Variants in PRSS12 observed in about 807,000 individuals in gnomAD.
PRSS12 encodes neurotrypsin.
Under a neutral mutation model 104.4 loss-of-function variants are expected in PRSS12, and 85 were observed. That is an observed-to-expected ratio of 0.81 (90% CI 0.68 to 0.98). The LOEUF is 0.98. Ranked by LOEUF, PRSS12 falls within the 50% of genes least tolerant of loss-of-function variation. The pLI is 0.00. For synonymous variants in PRSS12, 454 were observed against 425.2 expected, an observed-to-expected ratio of 1.07 and a Z score of -0.83; for missense variants, 1,141 against 1,139.2, an observed-to-expected ratio of 1.00 and a Z score of -0.02.
rs1464537069 is a variant in PRSS12 at position 118,331,805 on chromosome 4, C to T, written c.882G>A (p.Glu294=). 6.8e-6 allele frequency: 11 copies of T among 1,614,176 alleles called. No individual in the cohort carries two copies. The highest frequency in any genetic ancestry group is 9.3e-6 in the Non-Finnish European group (11 of 1,180,032). ...TTCCCCACTGGCCAGCATGGTAGAG[C>T]TCCACCCGGCCTTCATGCACACTGC... ...GGSSVHEGRV[E]LYHAGQWGTV... is the part of the protein sequence containing the mutation. Residue 294 remains glutamate, a synonymous_variant, in exon 4 of 13, where the codon GAG becomes GAA. Coordinates refer to ENST00000296498, the MANE Select transcript of PRSS12 (RefSeq NM_003619.4).
intron 5 of PRSS12, among the ~76,000 whole-genome samples, chr4:118,317,524 G>A (rs934242545): frequency 6.6e-6 from 1 of 152,132 alleles, no homozygotes; most frequent in East Asian, 1.9e-4. Flanking sequence ...TCACAGCAAT[G>A]TTACAAGACT....
At chr4:118,294,101 A>G (rs944496404) in intron 11 of PRSS12, among the ~76,000 whole-genome samples, 13 of 152,256 alleles carry the variant, frequency 8.5e-5, no homozygotes, top group Admixed American at 2.6e-4. Flanking sequence ...ATGATATCAC[A>G]TAAGAAAAAA....
At chr4:118,346,793 T>C (rs933714118) in intron 1 of PRSS12, among the ~76,000 whole-genome samples, 4 of 152,156 alleles carry the variant, frequency 2.6e-5, no homozygotes, top group Non-Finnish European at 5.9e-5. Flanking sequence ...CGAACTCCAT[T>C]GCGAACTGTG....
chr4:118,316,728 G>A (rs1381106686), intron 5 of PRSS12, among the ~76,000 whole-genome samples: 3 of 151,142 alleles, frequency 2.0e-5, no homozygotes, highest in East Asian at 2.0e-4. Context: ...AGGCTGAGGC[G>A]GGAAAATCGC....
intron 4 of PRSS12, among the ~76,000 whole-genome samples, chr4:118,319,735 C>T (rs911464291): frequency 6.6e-6 from 1 of 152,106 alleles, no homozygotes; most frequent in Non-Finnish European, 1.5e-5. Context: ...TGGAGTGCAG[C>T]AGCGTGATCA....
At position 118,308,441 on chromosome 4, in the gene PRSS12, G is replaced by C; in HGVS notation, c.1626C>G (p.Gly542=). ...AATAATTAGGTTTTCCTTACTTGTA[G>C]CCAAGCTGACGACAGATCACAGCTG... ...KDAAVICRQL[G]YKGPARARTM... Residue 542 remains glycine (G), a synonymous_variant, in exon 8 of 13, where the codon GGC becomes GGG. Transcript: ENST00000296498. 1.9e-6 allele frequency: 3 copies of C among 1,613,994 alleles called. No homozygotes were observed. The highest frequency in any genetic ancestry group is 3.3e-4 in the Middle Eastern group (2 of 6,060).
intron 11 of PRSS12, among the ~76,000 whole-genome samples, chr4:118,292,672 AAC>A (rs1263724678): frequency 1.3e-5 from 2 of 152,208 alleles, no homozygotes; most frequent in Non-Finnish European, 2.9e-5. Flanking sequence ...CCACTCAGGT[AAC>A]ACAGGAATGT....
At chr4:118,305,350 A>G (rs1486830937) in intron 8 of PRSS12, among the ~76,000 whole-genome samples, 4 of 151,998 alleles carry the variant, frequency 2.6e-5, no homozygotes, top group Admixed American at 1.3e-4. Context: ...TTAAAATGCA[A>G]TTATAAAGTC....
At chr4:118,306,622 G>A (rs1287062856) in intron 8 of PRSS12, among the ~76,000 whole-genome samples, 1 of 152,098 alleles carries the variant, frequency 6.6e-6, no homozygotes, top group Non-Finnish European at 1.5e-5. Flanking sequence ...GATGGCCTAA[G>A]CCATTCATGA....
At chr4:118,325,550 T>C (rs1409302446) in intron 4 of PRSS12, among the ~76,000 whole-genome samples, 1 of 152,128 alleles carries the variant, frequency 6.6e-6, no homozygotes, top group African/African-American at 2.4e-5. Flanking sequence ...AGTATTTACA[T>C]ATTCACACAT....
intron 8 of PRSS12, among the ~76,000 whole-genome samples, chr4:118,302,673 C>T (rs545285279): frequency 3.9e-5 from 6 of 152,244 alleles, no homozygotes; most frequent in East Asian, 3.9e-4. Flanking sequence ...GAGATCTGCC[C>T]GCCGCGGCCT....
chr4:118,298,790 C>T lies in PRSS12; in HGVS notation c.1780G>A (p.Asp594Asn). 6.2e-7 allele frequency: 1 copy of T among 1,614,194 alleles called. No individual in the cohort carries two copies. The highest frequency in any genetic ancestry group is 1.1e-5 in the South Asian group (1 of 91,084). The change falls in exon 9 of 13, where the codon GAT becomes AAT. Residue 594 changes from aspartate to asparagine, a missense_variant. Coordinates refer to ENST00000296498, the MANE Select transcript of PRSS12 (RefSeq NM_003619.4). ...AAATAATCACAAATAACTCCTGCAT[C>T]TTCACTGTGGCGGCAGTTGTGTCTT... The part of the protein sequence containing the change: ...IGRHNCRHSE[D>N]AGVICDYFGK...
In PRSS12 at chr4:118,331,813, G is replaced by C. The variant is rs746877243; in HGVS notation, c.874C>G (p.Arg292Gly). The change falls in exon 4 of 13, where the codon CGG (arginine) becomes GGG (glycine). Residue 292 changes from arginine (R) to glycine (G), a missense_variant. By Grantham distance (125) the Arg-to-Gly change is moderately radical (BLOSUM62 -2). Coordinates refer to ENST00000296498, the MANE Select transcript of PRSS12 (RefSeq NM_003619.4). ...LAGGSSVHEGRVELYHAGQWG... is the reference protein window; with the variant it reads ...LAGGSSVHEGGVELYHAGQWG... Reference sequence around the variant, plus strand: ...TGGCCAGCATGGTAGAGCTCCACCCGGCCTTCATGCACACTGCTGCCTCCA... The same window carrying C: ...TGGCCAGCATGGTAGAGCTCCACCCCGCCTTCATGCACACTGCTGCCTCCA... 1.9e-6 allele frequency: 3 copies of C among 1,614,122 alleles called. No individual in the cohort carries two copies. Among genetic ancestry groups the C allele is most frequent in the Non-Finnish European group, 1.7e-6 (2 of 1,180,008 alleles).
intron 11 of PRSS12, among the ~76,000 whole-genome samples, chr4:118,286,800 G>A (rs1021037126): frequency 1.3e-5 from 2 of 152,074 alleles, no homozygotes; most frequent in South Asian, 2.1e-4. Context: ...AAATCCATGG[G>A]GTTCAGATCC....
chr4:118,324,093 T>G lies in PRSS12; in HGVS notation c.972-5537A>C, dbSNP rs555857904. On this transcript the variant is annotated intron_variant, in intron 4 of 12. Coordinates refer to ENST00000296498, the MANE Select transcript of PRSS12 (RefSeq NM_003619.4). ...TTTTAAAATTTTTGCAAAGATAGGG[T>G]TTCTCCATGTTGCCCAGTCTGGTCT... 1.3e-4 allele frequency among the ~76,000 whole-genome samples: 20 copies of G among 151,880 alleles called. No individual in the cohort carries two copies. In the South Asian group the frequency reaches 4.0e-3, roughly 30 times the overall value.
rs1443641394 is a variant in PRSS12, at chr4:118,352,580, A to C, written c.141T>G (p.Leu47=). The C allele has an allele frequency of 6.3e-7, 1 of 1,580,778 alleles. No homozygotes were observed. Among genetic ancestry groups the C allele is most frequent in the African/African-American group, 1.4e-5 (1 of 73,040 alleles). ...TCCTCGGGGGCCGCTGCTGGGTGGG[A>C]AGGTAATAGGGGTAGTGCGGACCCG... The part of the protein sequence containing the change: ...PPAGPHYPYY[L]PTQQRPPRTR... The change falls in exon 1 of 13, where the codon CTT becomes CTG. Residue 47 remains leucine, a synonymous_variant. Coordinates refer to ENST00000296498, the MANE Select transcript of PRSS12 (RefSeq NM_003619.4).
In PRSS12 at chr4:118,313,299, T is replaced by A. The variant is rs1743806192; in HGVS notation, c.1391A>T (p.Gln464Leu). ...SCSGKETRFL[Q>L]CSRRQWGRHD... Reference sequence around the variant, plus strand: ...CCTTCCCCACTGTCGCCTGGAACACTGAAGAAATCTGGTTTCCTTTCCTGA... The same window carrying A: ...CCTTCCCCACTGTCGCCTGGAACACAGAAGAAATCTGGTTTCCTTTCCTGA... The change falls in exon 7 of 13, where the codon CAG becomes CTG. Residue 464 changes from glutamine (Q) to leucine (L), a missense_variant. Gln to Leu is a moderately radical substitution (Grantham distance 113). Coordinates refer to ENST00000296498, the MANE Select transcript of PRSS12 (RefSeq NM_003619.4). 1 of 1,613,974 alleles carries A rather than the reference T, an allele frequency of 6.2e-7. No individual in the cohort carries two copies. Among genetic ancestry groups the A allele is most frequent in the South Asian group, 1.1e-5 (1 of 91,080 alleles).
intron 11 of PRSS12, among the ~76,000 whole-genome samples, chr4:118,291,764 T>C (rs1338611221): frequency 4.6e-5 from 7 of 152,142 alleles, no homozygotes; most frequent in Non-Finnish European, 1.0e-4. Flanking sequence ...TCGTCAGTGC[T>C]ACCCAAGACT....
At chr4:118,316,825 G>GAAAAAAA (rs1553956358) in intron 5 of PRSS12, among the ~76,000 whole-genome samples, 11 of 91,538 alleles carry the variant, frequency 1.2e-4, no homozygotes, top group South Asian at 9.9e-4. Flanking sequence ...CCGTCTCACG[G>GAAAAAAA]AAAAAAAAAA....
Sources: gnomAD v4.1 joint callset for allele counts (sites outside exome capture counted in the v4.1 genomes callset) on GRCh38, gnomAD v4.1.1 for gene constraint, MANE v1.5 for transcripts, NCBI Gene and HGNC (gene_info 2026-07-23, HGNC 2026-07-21) for gene names.